The following KIAA1328 variants were observed in gnomAD, a reference collection of about 807,000 sequenced individuals.
KIAA1328 encodes protein hinderin.
A neutral mutation model predicts 68.1 loss-of-function variants in KIAA1328; 52 were observed. The ratio of observed to expected loss-of-function variants is 0.76; its 90% CI spans 0.61 to 0.96. The LOEUF (loss-of-function observed/expected upper bound fraction) is 0.96. KIAA1328 is among the 40% of genes least tolerant of loss of function. The pLI is 0.00. For missense variants in KIAA1328, 641 were observed against 677.6 expected (o/e 0.95, Z 0.60); for synonymous variants, 232 against 239.4 (o/e 0.97, Z 0.28).
chr18:37,099,647 G>A (rs1422492974), intron 7 of KIAA1328, among the ~76,000 whole-genome samples: 2 of 152,068 alleles, frequency 1.3e-5, no homozygotes, highest in African/African-American at 2.4e-5. Flanking sequence ...TTTCTGTCTC[G>A]TTGATCTGTC....
At chr18:37,082,581 G>A (rs1257266867) in intron 7 of KIAA1328, among the ~76,000 whole-genome samples, 1 of 152,142 alleles carries the variant, frequency 6.6e-6, no homozygotes, top group African/African-American at 2.4e-5. Flanking sequence ...CAATCTAATT[G>A]AATACCAAAT....
intron 7 of KIAA1328, among the ~76,000 whole-genome samples, chr18:37,121,256 C>T (rs928317174): frequency 7.2e-5 from 11 of 152,096 alleles, no homozygotes; most frequent in Non-Finnish European, 1.3e-4. Flanking sequence ...AACACGAAAA[C>T]GGCAAAGAAA....
intron 5 of KIAA1328, among the ~76,000 whole-genome samples, chr18:36,949,212 C>T (rs562661449): frequency 1.1e-4 from 17 of 152,104 alleles, no homozygotes; most frequent in Non-Finnish European, 1.9e-4. Context: ...ATTTCTCCTT[C>T]GGGTCCAGCT....
intron 5 of KIAA1328, among the ~76,000 whole-genome samples, chr18:36,932,303 G>A (rs951252862): frequency 2.0e-5 from 3 of 152,162 alleles, no homozygotes; most frequent in African/African-American, 7.2e-5. Flanking sequence ...GCTCATTGCA[G>A]CCTCGACCTC....
intron 9 of KIAA1328, among the ~76,000 whole-genome samples, chr18:37,189,743 T>C (rs1487002969): frequency 6.6e-6 from 1 of 152,160 alleles, no homozygotes; most frequent in Non-Finnish European, 1.5e-5. Flanking sequence ...GGAGGGTTTA[T>C]TCAAGAATCT....
intron 6 of KIAA1328, among the ~76,000 whole-genome samples, chr18:36,973,487 A>C (rs1182820191): frequency 6.6e-6 from 1 of 152,048 alleles, no homozygotes; most frequent in African/African-American, 2.4e-5. Context: ...AATAATAAAA[A>C]ATTTTGCTTT....
At chr18:37,111,089 A>G (rs990399689) in intron 7 of KIAA1328, among the ~76,000 whole-genome samples, 2 of 152,164 alleles carry the variant, frequency 1.3e-5, no homozygotes, top group African/African-American at 4.8e-5. Flanking sequence ...GGAGTATTGT[A>G]TTAGTCTGAG....
chr18:37,191,591 G>A (rs2059905294), intron 9 of KIAA1328, among the ~76,000 whole-genome samples: 1 of 152,168 alleles, frequency 6.6e-6, no homozygotes, highest in African/African-American at 2.4e-5. Context: ...ATTGAACAGG[G>A]AAGTTGGGTG....
intron 7 of KIAA1328, among the ~76,000 whole-genome samples, chr18:37,078,053 G>A (rs2056809362): frequency 6.6e-6 from 1 of 152,160 alleles, no homozygotes; most frequent in African/African-American, 2.4e-5. Flanking sequence ...AAAGCTGGAG[G>A]CATCATGCTA....
intron 6 of KIAA1328, among the ~76,000 whole-genome samples, chr18:37,025,538 G>A (rs901329924): frequency 6.6e-6 from 1 of 152,168 alleles, no homozygotes; most frequent in African/African-American, 2.4e-5. Flanking sequence ...AGACCACAGT[G>A]CAATCAAACT....
chr18:36,862,577 A>G (rs1356131623), intron 4 of KIAA1328, among the ~76,000 whole-genome samples: 1 of 152,050 alleles, frequency 6.6e-6, no homozygotes, highest in Non-Finnish European at 1.5e-5. Context: ...CATGATAGAG[A>G]TGTACTGCAG....
rs2054948098 is a variant in KIAA1328 at position 37,034,346 on chromosome 18, T to TA, written c.577-32542dup. Among the ~76,000 whole-genome samples the TA allele has an allele frequency of 2.0e-5, 3 of 152,190 alleles. No individual in the cohort carries two copies. The South Asian group carries it at 6.2e-4, about 31-fold the overall frequency. On this transcript the variant is annotated intron_variant, in intron 6 of 9. Transcript: ENST00000280020. ...CTTTCATCAGATTTGTTGTAACTTG[T>TA]AATTAAAGAGAGCCCAAACTGATGT... is the stretch of plus-strand genomic sequence containing the variant.
intron 6 of KIAA1328, among the ~76,000 whole-genome samples, chr18:36,965,686 A>G (rs553870317): frequency 1.3e-5 from 2 of 150,798 alleles, no homozygotes; most frequent in Admixed American, 6.6e-5. Context: ...AAAAAGTTTT[A>G]TAGTACTTAG....
intron 7 of KIAA1328, among the ~76,000 whole-genome samples, chr18:37,127,337 T>C (rs2058417751): frequency 6.6e-6 from 1 of 152,114 alleles, no homozygotes; most frequent in Non-Finnish European, 1.5e-5. Context: ...CATTAAAGAA[T>C]ATAAAATACA....
At chr18:37,159,219 G>A (rs553499376) in intron 7 of KIAA1328, among the ~76,000 whole-genome samples, 1 of 152,148 alleles carries the variant, frequency 6.6e-6, no homozygotes, top group African/African-American at 2.4e-5. Context: ...AATTCTGATC[G>A]ATATAAACCA....
At chr18:37,221,779 A>C (rs1314998062) in intron 9 of KIAA1328, among the ~76,000 whole-genome samples, 1 of 152,178 alleles carries the variant, frequency 6.6e-6, no homozygotes, top group African/African-American at 2.4e-5. Context: ...TCTCTTCATA[A>C]GTTATAAAGG....
chr18:37,208,037 G>A (rs920726038), intron 9 of KIAA1328, among the ~76,000 whole-genome samples: 2 of 152,096 alleles, frequency 1.3e-5, no homozygotes, highest in East Asian at 3.9e-4. Context: ...TCGAACTGCC[G>A]ACCTTAGGTG....
At chr18:36,885,140 T>C (rs2048455069) in intron 4 of KIAA1328, among the ~76,000 whole-genome samples, 1 of 152,190 alleles carries the variant, frequency 6.6e-6, no homozygotes, top group South Asian at 2.1e-4. Flanking sequence ...GTACATATTT[T>C]GTTTATTTTA....
At chr18:37,204,442 G>A (rs994358732) in intron 9 of KIAA1328, among the ~76,000 whole-genome samples, 1 of 152,060 alleles carries the variant, frequency 6.6e-6, no homozygotes, top group Non-Finnish European at 1.5e-5. Context: ...AAACAGACAT[G>A]TACACAGGTA....
Sources: gnomAD v4.1 joint callset for allele counts (sites outside exome capture counted in the v4.1 genomes callset) on GRCh38, gnomAD v4.1.1 for gene constraint, MANE v1.5 for transcripts, NCBI Gene and HGNC (gene_info 2026-07-23, HGNC 2026-07-21) for gene names.